DST: variants seen among roughly 807,000 people sequenced by gnomAD.
The protein encoded by DST is bullous pemphigoid antigen.
A neutral mutation model predicts 875.2 loss-of-function variants in DST; 253 were observed. The observed-to-expected ratio is 0.29, with a 90% CI of 0.26 to 0.32. The LOEUF (loss-of-function observed/expected upper bound fraction) is 0.32. Ranked by LOEUF, DST falls within the 10% of genes least tolerant of loss-of-function variation. DST has a pLI of 1.00. For synonymous variants in DST, 3,124 were observed against 3,197.1 expected (o/e 0.98, Z 0.77); for missense variants, 8,287 against 9,111.6 (o/e 0.91, Z 3.68).
chr6:56,468,048 G>C (rs986200955), intron 98 of DST, among the ~76,000 whole-genome samples: 2 of 152,096 alleles, frequency 1.3e-5, no homozygotes, highest in African/African-American at 4.8e-5. Flanking sequence ...AATAAATAAA[G>C]GTAATAGATA....
intron 61 of DST, among the ~76,000 whole-genome samples, chr6:56,543,988 ATC>A (rs1423880198): frequency 6.6e-6 from 1 of 152,220 alleles, no homozygotes; most frequent in Non-Finnish European, 1.5e-5. Flanking sequence ...ATATATGACT[ATC>A]TATAAAGAAA....
At position 56,668,556 on chromosome 6, in the gene DST, A is replaced by T. The variant is rs1221697259; in HGVS notation, c.1214+2085T>A. 2.6e-5 allele frequency among the ~76,000 whole-genome samples: 4 copies of T among 152,204 alleles called. No homozygotes were observed. The East Asian group carries it at 7.7e-4, about 29-fold the overall frequency. Reference sequence around the variant, plus strand: ...AAGGAGTTCAAGACCAGCCTGGCTGACATGGTGAAATCCTGTCTCTACTAA... The same window carrying T: ...AAGGAGTTCAAGACCAGCCTGGCTGTCATGGTGAAATCCTGTCTCTACTAA... On this transcript the variant is annotated intron_variant, in intron 10 of 103. Transcript: ENST00000680361.
At chr6:56,920,895 A>ATTTTTTT (rs35394550) in intron 2 of DST, among the ~76,000 whole-genome samples, 2 of 59,676 alleles carry the variant, frequency 3.4e-5, no homozygotes, top group Non-Finnish European at 6.2e-5. Flanking sequence ...CGCCCAGCTA[A>ATTTTTTT]TTTTTTTTTT....
chr6:56,650,881 C>A, intron 12 of DST, 45 bp downstream of exon 12: 2 of 1,204,446 alleles, frequency 1.7e-6, no homozygotes, highest in South Asian at 2.6e-5. Flanking sequence ...GTCAATTGGT[C>A]ATTACTGAAT....
intron 37 of DST, among the ~76,000 whole-genome samples, chr6:56,614,033 C>G (rs1480055767): frequency 2.0e-5 from 3 of 152,118 alleles, no homozygotes; most frequent in African/African-American, 7.2e-5. Context: ...AGACATAAAA[C>G]AGAATGACTC....
intron 63 of DST, among the ~76,000 whole-genome samples, chr6:56,532,850 G>A (rs1029519861): frequency 6.6e-5 from 10 of 152,126 alleles, no homozygotes; most frequent in African/African-American, 2.4e-4. Context: ...CTCCATTATC[G>A]GAATGAAATA....
At chr6:56,901,134 G>A (rs1185994277) in intron 2 of DST, among the ~76,000 whole-genome samples, 1 of 152,176 alleles carries the variant, frequency 6.6e-6, no homozygotes, top group African/African-American at 2.4e-5. Flanking sequence ...AAGCAACGAG[G>A]TGGCACAAAG....
intron 3 of DST, among the ~76,000 whole-genome samples, chr6:56,896,634 T>C (rs1045431404): frequency 2.0e-5 from 3 of 152,210 alleles, no homozygotes; most frequent in African/African-American, 7.2e-5. Context: ...CATTTTTTAA[T>C]ATTTTGATTA....
intron 29 of DST, 31 bp downstream of exon 29, chr6:56,631,852 G>A: frequency 6.2e-7 from 1 of 1,608,282 alleles, no homozygotes; most frequent in Non-Finnish European, 8.5e-7. Flanking sequence ...AAGAGAGTTA[G>A]TTTTTTTCCC....
At chr6:56,779,566 G>A (rs1056925394) in intron 4 of DST, among the ~76,000 whole-genome samples, 5 of 151,854 alleles carry the variant, frequency 3.3e-5, no homozygotes, top group African/African-American at 9.7e-5. Context: ...TTTGTATAAG[G>A]TGTAAGGAAG....
chr6:56,614,739 G>A, intron 36 of DST: 7 of 1,086,708 alleles, frequency 6.4e-6, no homozygotes, highest in Non-Finnish European at 7.8e-6. Context: ...TTCCATCAAT[G>A]TTACAAATTT....
intron 48 of DST, among the ~76,000 whole-genome samples, chr6:56,593,218 A>G (rs2098312154): frequency 6.6e-6 from 1 of 152,164 alleles, no homozygotes; most frequent in South Asian, 2.1e-4. Flanking sequence ...AAAGCAGGTG[A>G]ATAAGATAGA....
At chr6:56,871,776 T>TAAAAAAAAAAAAAAAAAAAAAAAA (rs746142378) in intron 3 of DST, 2 of 95,514 alleles carry the variant, frequency 2.1e-5, no homozygotes, top group African/African-American at 4.4e-5. Context: ...CAATTAAAAG[T>TAAAAAAAAAAAAAAAAAAAAAAAA]AAAAAAAAAA....
intron 4 of DST, among the ~76,000 whole-genome samples, chr6:56,850,700 C>T (rs1764724165): frequency 1.3e-5 from 2 of 152,224 alleles, no homozygotes; most frequent in South Asian, 4.1e-4. Flanking sequence ...AGGTTGATTT[C>T]CACAGTGTTC....
chr6:56,773,743 T>C (rs1172545838), intron 4 of DST, among the ~76,000 whole-genome samples: 1 of 152,196 alleles, frequency 6.6e-6, no homozygotes, highest in African/African-American at 2.4e-5. Context: ...TGTTACAGTA[T>C]ATAGAACAAA....
At chr6:56,547,733 C>G (rs1035199741) in intron 61 of DST, among the ~76,000 whole-genome samples, 1 of 152,180 alleles carries the variant, frequency 6.6e-6, no homozygotes, top group African/African-American at 2.4e-5. Flanking sequence ...AATTTGTGCT[C>G]AAACTGCCTG....
chr6:56,897,429 C>T (rs1791978481), intron 3 of DST, among the ~76,000 whole-genome samples: 1 of 152,044 alleles, frequency 6.6e-6, no homozygotes, highest in South Asian at 2.1e-4. Context: ...CCTCCTGGTT[C>T]AAGCGATTAT....
At position 56,634,135 on chromosome 6, in the gene DST, A is replaced by G. The variant is rs761042846; in HGVS notation, c.3618T>C (p.Ala1206=). ...EIDRIRASNV[A]SIKTMLPGEH... Reference sequence around the variant, plus strand: ...TGACATACAGATTCATACTTACTGAAGCCACATTGCTAGCTCGAATTCTAT... The same window carrying G: ...TGACATACAGATTCATACTTACTGAGGCCACATTGCTAGCTCGAATTCTAT... Residue 1206 remains alanine, a synonymous_variant, in exon 27 of 104, where the codon GCT becomes GCC. Coordinates refer to ENST00000680361, the MANE Select transcript of DST (RefSeq NM_001374736.1). 29 of 1,613,028 alleles carry G rather than the reference A, an allele frequency of 1.8e-5. No individual in the cohort carries two copies. The highest frequency in any genetic ancestry group is 2.7e-5 in the African/African-American group (2 of 74,940).
At chr6:56,938,519 G>GA (rs909704257) in intron 2 of DST, among the ~76,000 whole-genome samples, 11 of 151,896 alleles carry the variant, frequency 7.2e-5, no homozygotes, top group Admixed American at 1.3e-4. Flanking sequence ...ACTGTCCAGG[G>GA]AAAAAAACAG....
Sources: allele counts gnomAD v4.1 joint callset (sites outside exome capture counted in the v4.1 genomes callset), GRCh38; gene constraint gnomAD v4.1.1; transcripts MANE v1.5; gene names NCBI Gene and HGNC (gene_info 2026-07-23, HGNC 2026-07-21).